Variants in CCDC158 observed in about 807,000 individuals in gnomAD.
The protein encoded by CCDC158 is coiled-coil domain containing 158, also known as coiled-coil domain-containing protein 158.
Under a neutral mutation model 138.6 loss-of-function variants are expected in CCDC158, and 116 were observed. The ratio of observed to expected loss-of-function variants is 0.84; its 90% confidence interval spans 0.72 to 0.98. The LOEUF (loss-of-function observed/expected upper bound fraction) is 0.98, where lower values mean the gene tolerates loss of function less well. Among genes scored for constraint, CCDC158 ranks in the 50% least tolerant of loss-of-function variants. CCDC158 has a pLI of 0.00. For missense variants in CCDC158, 1,265 were observed against 1,306.1 expected, an observed-to-expected ratio of 0.97 and a Z score of 0.48; for synonymous variants, 436 against 442.4, an observed-to-expected ratio of 0.99 and a Z score of 0.18.
chr4:76,320,992 A>G (rs530828439), intron 24 of CCDC158, among the ~76,000 whole-genome samples: 2 of 152,354 alleles, frequency 1.3e-5, no homozygotes, highest in African/African-American at 4.8e-5. Flanking sequence ...GAGTGGAAGA[A>G]AATATTTGCA....
At chr4:76,359,442 C>A (rs1449224123) in intron 13 of CCDC158, among the ~76,000 whole-genome samples, 1 of 152,192 alleles carries the variant, frequency 6.6e-6, no homozygotes, top group Non-Finnish European at 1.5e-5. Context: ...AAGTTTGGAA[C>A]TTCCTAGAAA....
chr4:76,353,131 G>C lies in CCDC158; in HGVS notation c.2437C>G (p.Leu813Val). 1 of 1,611,314 alleles carries C rather than the reference G, an allele frequency of 6.2e-7. No homozygotes were observed. Among genetic ancestry groups the C allele is most frequent in the Non-Finnish European group, 8.5e-7 (1 of 1,178,936 alleles). Residue 813 changes from leucine to valine, a missense_variant, in exon 16 of 25, where the codon CTG (leucine) becomes GTG (valine). By Grantham distance (32) the Leu-to-Val change is conservative. Coordinates refer to ENST00000682701, the MANE Select transcript of CCDC158 (RefSeq NM_001394954.1). ...GTTTAGTTAATAATTACCTTATCCA[G>C]AGCCACTTCCATATTAGTAACCTTT... ...KEKVTNMEVA[L>V]DKASLQFAEC...
chr4:76,347,165 TC>T (rs1578928049), intron 18 of CCDC158, among the ~76,000 whole-genome samples: 3 of 152,158 alleles, frequency 2.0e-5, no homozygotes, highest in African/African-American at 4.8e-5. Flanking sequence ...GACCTAGCAA[TC>T]CCATTACTGG....
In CCDC158 at chr4:76,313,048, C is replaced by T; in HGVS notation, c.*122G>A. ...ATAGTTTATTTCAAAATAGAGTTTA[C>T]AAGACAGGGTATCTTTTATTAAATT... On this transcript the variant is annotated 3_prime_UTR_variant, in exon 25 of 25. Transcript: ENST00000682701. The T allele has an allele frequency of 3.4e-6, 2 of 591,326 alleles. No homozygotes were observed. The highest frequency in any genetic ancestry group is 3.0e-6 in the Non-Finnish European group (1 of 338,558). 36.6% of individuals were successfully genotyped at this position (591,326 alleles called of 1,614,324 possible).
chr4:76,347,886 T>C (rs1394267880), intron 18 of CCDC158, among the ~76,000 whole-genome samples: 1 of 152,094 alleles, frequency 6.6e-6, no homozygotes. Flanking sequence ...AATCATATAA[T>C]TATCATGTGC....
intron 3 of CCDC158, among the ~76,000 whole-genome samples, chr4:76,399,939 GAGA>G (rs1160585047): frequency 2.0e-5 from 3 of 152,152 alleles, no homozygotes; most frequent in Non-Finnish European, 4.4e-5. Flanking sequence ...TGAGCTATGG[GAGA>G]AGGAGGCATG....
At chr4:76,351,894 C>T in intron 16 of CCDC158, 82 bp from the exon 17 acceptor site, 1 of 794,528 alleles carries the variant, frequency 1.3e-6, no homozygotes, top group Non-Finnish European at 2.1e-6. Flanking sequence ...GCAGAGCTGC[C>T]ATCTCTTCAA....
At chr4:76,368,980 C>T (rs1195301386) in intron 11 of CCDC158, among the ~76,000 whole-genome samples, 7 of 152,268 alleles carry the variant, frequency 4.6e-5, no homozygotes, top group East Asian at 1.9e-4. Context: ...CCTTGGGAGG[C>T]TGAGGTGGGC....
At chr4:76,327,291 A>G (rs189173426) in intron 22 of CCDC158, among the ~76,000 whole-genome samples, 10 of 152,324 alleles carry the variant, frequency 6.6e-5, no homozygotes, top group African/African-American at 2.4e-4. Flanking sequence ...TTATTTAAAA[A>G]TTAAGAATTT....
chr4:76,388,893 T>C (rs558923814), intron 4 of CCDC158, among the ~76,000 whole-genome samples: 8 of 152,254 alleles, frequency 5.3e-5, no homozygotes, highest in Admixed American at 1.3e-4. Flanking sequence ...CCAGATCTTA[T>C]CCAAGACCAC....
intron 5 of CCDC158, 32 bp from the exon 6 acceptor site, chr4:76,384,447 T>A: frequency 1.3e-6 from 2 of 1,580,738 alleles, no homozygotes; most frequent in Non-Finnish European, 1.7e-6. Flanking sequence ...ATAAATAACA[T>A]TGATAAAACT....
At chr4:76,378,188 C>G (rs1008458683) in intron 9 of CCDC158, among the ~76,000 whole-genome samples, 6 of 152,150 alleles carry the variant, frequency 3.9e-5, no homozygotes, top group Non-Finnish European at 7.3e-5. Flanking sequence ...AAACAGCCCC[C>G]TCCTGTGGCC....
At chr4:76,373,662 T>C (rs1414200876) in intron 9 of CCDC158, among the ~76,000 whole-genome samples, 1 of 152,096 alleles carries the variant, frequency 6.6e-6, no homozygotes, top group African/African-American at 2.4e-5. Context: ...GAATAGAAGT[T>C]ATATATATAT....
At chr4:76,374,691 A>T (rs1725556748) in intron 9 of CCDC158, among the ~76,000 whole-genome samples, 1 of 152,212 alleles carries the variant, frequency 6.6e-6, no homozygotes, top group South Asian at 2.1e-4. Flanking sequence ...GATTAAAATA[A>T]ATGTTTTCTA....
chr4:76,314,632 G>A (rs187340763), intron 24 of CCDC158, among the ~76,000 whole-genome samples: 19 of 152,292 alleles, frequency 1.2e-4, no homozygotes, highest in East Asian at 3.9e-4. Context: ...TCCAGATTAC[G>A]GGAGAAGGAT....
intron 3 of CCDC158, among the ~76,000 whole-genome samples, chr4:76,399,308 T>C (rs1015409124): frequency 1.3e-5 from 2 of 152,000 alleles, no homozygotes; most frequent in Non-Finnish European, 2.9e-5. Context: ...CTGGGGCCTA[T>C]TGGGTTGCAG....
At chr4:76,328,290 C>T (rs528527456) in intron 22 of CCDC158, among the ~76,000 whole-genome samples, 23 of 152,314 alleles carry the variant, frequency 1.5e-4, no homozygotes, top group African/African-American at 5.3e-4. Flanking sequence ...AGGAAGGCTC[C>T]AGGCACCTGG....
chr4:76,332,580 C>A, intron 19 of CCDC158, 89 bp from the exon 20 acceptor site: 1 of 1,045,062 alleles, frequency 9.6e-7, no homozygotes, highest in Non-Finnish European at 1.4e-6. Flanking sequence ...TACATATATT[C>A]AATTTTTCTT....
rs1362417035 is a variant in CCDC158 at position 76,384,506 on chromosome 4, T to C, written c.398+50A>G. On this transcript the variant is annotated intron_variant, in intron 5 of 24. Coordinates refer to ENST00000682701, the MANE Select transcript of CCDC158 (RefSeq NM_001394954.1). ...TACAAACAGTAAAACTTTAAAATAA[T>C]TTCACATAATGAAAATATGTGACTT... The C allele has an allele frequency of 5.1e-6, 8 of 1,563,044 alleles. No individual in the cohort carries two copies. In the African/African-American group the frequency reaches 5.5e-5, roughly 11 times the overall value.
Sources: allele counts gnomAD v4.1 joint callset (sites outside exome capture counted in the v4.1 genomes callset), GRCh38; gene constraint gnomAD v4.1.1; transcripts MANE v1.5; gene names NCBI Gene and HGNC (gene_info 2026-07-23, HGNC 2026-07-21).